WASL: variants seen among roughly 807,000 people sequenced by gnomAD.
The protein encoded by WASL is actin nucleation-promoting factor WASL.
In WASL, 20 loss-of-function variants were observed where a neutral mutation model predicts 55.5. The observed-to-expected ratio is 0.36, with a 90% CI of 0.25 to 0.52. The LOEUF (loss-of-function observed/expected upper bound fraction) is 0.52. WASL is among the 20% of genes least tolerant of loss of function. WASL has a pLI of 0.92. For synonymous variants in WASL, 249 were observed against 217.6 expected (o/e 1.14, Z -1.27); for missense variants, 504 against 622.5 (o/e 0.81, Z 2.03).
intron 1 of WASL, among the ~76,000 whole-genome samples, chr7:123,737,158 A>C (rs1804246684): frequency 6.6e-6 from 1 of 152,164 alleles, no homozygotes; most frequent in Non-Finnish European, 1.5e-5. Context: ...ACTTTTAAAA[A>C]ATTGCAAAAA....
chr7:123,715,863 G>T (rs1005807770), intron 1 of WASL, among the ~76,000 whole-genome samples: 1 of 152,084 alleles, frequency 6.6e-6, no homozygotes, highest in African/African-American at 2.4e-5. Flanking sequence ...ACTAAAAATG[G>T]CAAGTCTTAC....
At chr7:123,725,777 C>T (rs1804032405) in intron 1 of WASL, among the ~76,000 whole-genome samples, 2 of 152,132 alleles carry the variant, frequency 1.3e-5, no homozygotes, top group African/African-American at 4.8e-5. Flanking sequence ...TTACTGCAGA[C>T]CCCATGCTGT....
At chr7:123,722,071 G>T (rs1252299242) in intron 1 of WASL, among the ~76,000 whole-genome samples, 4 of 151,764 alleles carry the variant, frequency 2.6e-5, no homozygotes, top group African/African-American at 9.7e-5. Context: ...TTGCTCTCTG[G>T]AGCTGTACTG....
chr7:123,691,312 G>A (rs1803404133), intron 9 of WASL, among the ~76,000 whole-genome samples: 1 of 152,156 alleles, frequency 6.6e-6, no homozygotes. Flanking sequence ...AAAGAAGTAT[G>A]TAAATGTAGA....
At chr7:123,706,497 G>T in intron 3 of WASL, 124 bp from the exon 4 acceptor site, 3 of 933,864 alleles carry the variant, frequency 3.2e-6, no homozygotes, top group Non-Finnish European at 3.2e-6. Context: ...TAGCAGATAA[G>T]ACATTATTTT....
chr7:123,744,261 TA>T, intron 1 of WASL, among the ~76,000 whole-genome samples: 1 of 152,322 alleles, frequency 6.6e-6, no homozygotes, highest in Non-Finnish European at 1.5e-5. Context: ...AAATGAAGAC[TA>T]AAGTCCAGAT....
At chr7:123,691,973 T>C (rs564122674) in intron 9 of WASL, among the ~76,000 whole-genome samples, 5 of 152,326 alleles carry the variant, frequency 3.3e-5, no homozygotes, top group Admixed American at 3.3e-4. Flanking sequence ...TCTAGAACAA[T>C]GAATTGCAAA....
At chr7:123,731,539 A>G (rs143604586) in intron 1 of WASL, among the ~76,000 whole-genome samples, 3 of 152,344 alleles carry the variant, frequency 2.0e-5, no homozygotes, top group Admixed American at 6.5e-5. Flanking sequence ...GATCACCAAG[A>G]GAGACCACAT....
At position 123,709,191 on chromosome 7, in the gene WASL, T is replaced by C. The variant is rs1224096283; in HGVS notation, c.150A>G (p.Ala50=). 1.2e-6 allele frequency: 2 copies of C among 1,611,802 alleles called. No individual in the cohort carries two copies. Among genetic ancestry groups the C allele is most frequent in the South Asian group, 2.2e-5 (2 of 90,722 alleles). The change falls in exon 2 of 11, where the codon GCA becomes GCG. Residue 50 remains alanine, a synonymous_variant. Coordinates refer to ENST00000223023, the MANE Select transcript of WASL (RefSeq NM_003941.4). ...TMSSAVVQLY[A]ADRNCMWSKK... ...TTGACCACATACAGTTCCGATCTGC[T>C]GCATATAACTGCACCACTGCTGAAG...
intron 7 of WASL, 140 bp from the exon 8 acceptor site, chr7:123,695,008 T>C (rs1803469523): frequency 1.2e-6 from 1 of 840,494 alleles, no homozygotes; most frequent in Non-Finnish European, 1.8e-6. Flanking sequence ...AACTAAAATA[T>C]TTTATTAAAA....
intron 2 of WASL, among the ~76,000 whole-genome samples, chr7:123,707,084 A>G (rs1002588178): frequency 6.6e-6 from 1 of 152,166 alleles, no homozygotes; most frequent in African/African-American, 2.4e-5. Context: ...TAATCTCACT[A>G]GCCAACCATT....
chr7:123,700,448 T>C (rs973796481), intron 5 of WASL, among the ~76,000 whole-genome samples: 1 of 10,088 alleles, frequency 9.9e-5, no homozygotes, highest in Non-Finnish European at 1.6e-4. Flanking sequence ...CTTTACCTCT[T>C]TTTTTTTTTT....
chr7:123,715,585 A>G (rs1344107908), intron 1 of WASL, among the ~76,000 whole-genome samples: 1 of 152,256 alleles, frequency 6.6e-6, no homozygotes, highest in Non-Finnish European at 1.5e-5. Context: ...TAGTTATGAC[A>G]AATTTTTGGT....
chr7:123,714,265 T>C (rs1436775326), intron 1 of WASL, among the ~76,000 whole-genome samples: 1 of 152,022 alleles, frequency 6.6e-6, no homozygotes, highest in Admixed American at 6.6e-5. Context: ...GTAAGAACTA[T>C]CCAGGAAAAG....
chr7:123,734,647 C>T (rs1246268960), intron 1 of WASL, among the ~76,000 whole-genome samples: 1 of 144,036 alleles, frequency 6.9e-6, no homozygotes, highest in Non-Finnish European at 1.5e-5. Flanking sequence ...CAGGGAGGGG[C>T]GGGAGGAATA....
intron 1 of WASL, among the ~76,000 whole-genome samples, chr7:123,746,813 G>A (rs891824405): frequency 6.6e-6 from 1 of 152,190 alleles, no homozygotes; most frequent in African/African-American, 2.4e-5. Context: ...GGTAAGCACA[G>A]AACAATTAGT....
chr7:123,728,328 C>T (rs1052025917), intron 1 of WASL, among the ~76,000 whole-genome samples: 1 of 152,098 alleles, frequency 6.6e-6, no homozygotes, highest in Non-Finnish European at 1.5e-5. Context: ...AAATTTAAAA[C>T]TGAGCAAACT....
At chr7:123,700,836 A>G (rs535929385) in intron 5 of WASL, among the ~76,000 whole-genome samples, 4 of 152,302 alleles carry the variant, frequency 2.6e-5, no homozygotes, top group East Asian at 1.9e-4. Flanking sequence ...TTGTTTGCCA[A>G]TTTTTCAGTT....
At chr7:123,692,187 G>A (rs920277177) in intron 9 of WASL, among the ~76,000 whole-genome samples, 160 bp downstream of exon 9, 1 of 152,116 alleles carries the variant, frequency 6.6e-6, no homozygotes, top group Non-Finnish European at 1.5e-5. Context: ...AAAAATTTGT[G>A]CATGTCACTG....
Sources: allele counts gnomAD v4.1 joint callset (sites outside exome capture counted in the v4.1 genomes callset), GRCh38; gene constraint gnomAD v4.1.1; transcripts MANE v1.5; gene names NCBI Gene and HGNC (gene_info 2026-07-23, HGNC 2026-07-21).